Variants in CCBE1 observed in about 807,000 individuals in gnomAD.
CCBE1 encodes collagen and calcium binding EGF domains 1.
Under a neutral mutation model 50.0 loss-of-function variants are expected in CCBE1, and 37 were observed. The observed-to-expected ratio is 0.74, with a 90% CI of 0.57 to 0.97. The LOEUF is 0.97. CCBE1 is among the 50% of genes least tolerant of loss of function. The pLI is 0.00. For synonymous variants in CCBE1, 234 were observed against 203.7 expected, an observed-to-expected ratio of 1.15 and a Z score of -1.27; for missense variants, 538 against 523.8, an observed-to-expected ratio of 1.03 and a Z score of -0.26.
chr18:59,675,778 T>C (rs974881939), intron 2 of CCBE1, among the ~76,000 whole-genome samples: 3 of 152,148 alleles, frequency 2.0e-5, no homozygotes, highest in East Asian at 1.9e-4. Context: ...CCTTTTACAC[T>C]AGAGGGTGCT....
chr18:59,693,442 C>T (rs538249807), intron 2 of CCBE1, among the ~76,000 whole-genome samples: 34 of 152,140 alleles, frequency 2.2e-4, no homozygotes, highest in African/African-American at 8.0e-4. Context: ...AACTGTACAC[C>T]AACTTGAGAC....
intron 2 of CCBE1, among the ~76,000 whole-genome samples, chr18:59,681,966 G>T (rs1189141218): frequency 6.6e-6 from 1 of 152,214 alleles, no homozygotes. Context: ...GACCTGGAAG[G>T]AACTCAAGCA....
intron 2 of CCBE1, among the ~76,000 whole-genome samples, chr18:59,609,719 T>C (rs911825212): frequency 2.0e-4 from 30 of 152,248 alleles, no homozygotes; most frequent in African/African-American, 7.0e-4. Context: ...TTTTAGTCTA[T>C]TTGAAAAGGC....
At chr18:59,549,526 G>A (rs1915837595) in intron 2 of CCBE1, among the ~76,000 whole-genome samples, 1 of 152,186 alleles carries the variant, frequency 6.6e-6, no homozygotes, top group South Asian at 2.1e-4. Context: ...CGGGGCTCAG[G>A]AAGGTAACCT....
At chr18:59,692,450 ATTATT>A (rs2054745056) in intron 2 of CCBE1, among the ~76,000 whole-genome samples, 2 of 152,148 alleles carry the variant, frequency 1.3e-5, no homozygotes, top group African/African-American at 2.4e-5. Flanking sequence ...AAGAGTTTAT[ATTATT>A]TTATATGTGT....
intron 2 of CCBE1, among the ~76,000 whole-genome samples, chr18:59,514,645 G>GA (rs11438608): frequency 0.036 from 3,456 of 95,980 alleles, 126 homozygotes; most frequent in African/African-American, 0.091. Context: ...TCCTTTCCTT[G>GA]AAAAAAAAAA....
intron 2 of CCBE1, among the ~76,000 whole-genome samples, chr18:59,659,450 G>C (rs2054252589): frequency 6.6e-6 from 1 of 152,092 alleles, no homozygotes; most frequent in Admixed American, 6.6e-5. Flanking sequence ...AAGGTGGGGA[G>C]GTGGGCAGGC....
intron 2 of CCBE1, among the ~76,000 whole-genome samples, chr18:59,546,311 C>T (rs1418787999): frequency 6.6e-6 from 1 of 152,232 alleles, no homozygotes; most frequent in African/African-American, 2.4e-5. Context: ...TACACGGGGG[C>T]TTCCCATGAA....
chr18:59,570,534 G>T (rs949471966), intron 2 of CCBE1, among the ~76,000 whole-genome samples: 9 of 152,194 alleles, frequency 5.9e-5, no homozygotes, highest in African/African-American at 2.2e-4. Flanking sequence ...TCTTGGATTT[G>T]ACGTAAGCTC....
intron 5 of CCBE1, among the ~76,000 whole-genome samples, chr18:59,463,315 C>T (rs1240656315): frequency 6.6e-6 from 1 of 152,212 alleles, no homozygotes; most frequent in Non-Finnish European, 1.5e-5. Flanking sequence ...GCAGCCTAGA[C>T]CTCCTGGGTT....
At chr18:59,482,828 T>C (rs1002665409) in intron 2 of CCBE1, among the ~76,000 whole-genome samples, 6 of 140,012 alleles carry the variant, frequency 4.3e-5, no homozygotes, top group African/African-American at 1.2e-4. Context: ...TTACAGTGGA[T>C]CTGCAAATCT....
intron 5 of CCBE1, chr18:59,459,136 C>T (rs184922280): frequency 6.6e-6 from 1 of 152,298 alleles, no homozygotes; most frequent in East Asian, 1.9e-4. Context: ...GCTCTATTCA[C>T]AGTACTCATT....
intron 2 of CCBE1, among the ~76,000 whole-genome samples, chr18:59,560,182 C>G (rs2052713326): frequency 6.6e-6 from 1 of 152,186 alleles, no homozygotes; most frequent in Admixed American, 6.5e-5. Context: ...GCCAGGGATG[C>G]CCATTTGAAG....
chr18:59,459,818 C>A, intron 5 of CCBE1, among the ~76,000 whole-genome samples: 1 of 152,234 alleles, frequency 6.6e-6, no homozygotes, highest in East Asian at 1.9e-4. Flanking sequence ...GCACACCACC[C>A]GTCTGGGGAT....
intron 2 of CCBE1, among the ~76,000 whole-genome samples, chr18:59,605,083 G>T (rs777280044): frequency 1.3e-5 from 2 of 152,194 alleles, no homozygotes; most frequent in Non-Finnish European, 2.9e-5. Context: ...TGCAAAGGCT[G>T]GGAAAAGTGC....
intron 2 of CCBE1, among the ~76,000 whole-genome samples, chr18:59,542,459 G>A (rs1428128757): frequency 6.6e-6 from 1 of 151,988 alleles, no homozygotes; most frequent in Non-Finnish European, 1.5e-5. Flanking sequence ...TAAAATGAAA[G>A]CAACAGATTT....
intron 2 of CCBE1, among the ~76,000 whole-genome samples, chr18:59,576,798 C>T (rs1300502799): frequency 6.6e-6 from 1 of 152,184 alleles, no homozygotes; most frequent in Non-Finnish European, 1.5e-5. Context: ...TGTCTGGAAT[C>T]CATGCATGTC....
chr18:59,610,213 T>G (rs1488395662), intron 2 of CCBE1, among the ~76,000 whole-genome samples: 1 of 152,190 alleles, frequency 6.6e-6, no homozygotes, highest in East Asian at 1.9e-4. Context: ...GAGGAAGGGA[T>G]GACCAAGCAG....
Position 59,491,800 on chromosome 18 carries a change from G to A in CCBE1, c.213-11562C>T, listed in dbSNP as rs537729614. On this transcript the variant is annotated intron_variant, in intron 2 of 10. Coordinates refer to ENST00000439986, the MANE Select transcript of CCBE1 (RefSeq NM_133459.4). ...ACTGGACTCCAACCTGAACAGCAGCGTGAGACTCTGTCTCCAAACAAACAA... is the reference window on the plus strand; with the variant it reads ...ACTGGACTCCAACCTGAACAGCAGCATGAGACTCTGTCTCCAAACAAACAA... Among the ~76,000 whole-genome samples the A allele has an allele frequency of 1.1e-4, 13 of 120,520 alleles. No individual in the cohort carries two copies. The South Asian group carries it at 1.8e-3, about 17-fold the overall frequency. 79.1% of individuals were successfully genotyped at this position (120,520 alleles called of 152,430 possible).
Sources: gnomAD v4.1 joint callset for allele counts (sites outside exome capture counted in the v4.1 genomes callset) on GRCh38, gnomAD v4.1.1 for gene constraint, MANE v1.5 for transcripts, NCBI Gene and HGNC (gene_info 2026-07-23, HGNC 2026-07-21) for gene names.